The following PDE4D variants were observed in gnomAD, a reference collection of about 807,000 sequenced individuals.
The protein encoded by PDE4D is phosphodiesterase 4D.
PDE4D carries 24 observed loss-of-function variants against 87.4 expected under a neutral mutation model. The ratio of observed to expected loss-of-function variants is 0.27; its 90% confidence interval spans 0.20 to 0.39. PDE4D has a LOEUF of 0.39. Among genes scored for constraint, PDE4D ranks in the 10% least tolerant of loss-of-function variants. The probability of loss-of-function intolerance (pLI) is 1.00; values close to 1 mark genes in which losing one functional copy is unlikely to be tolerated. For synonymous variants in PDE4D, 384 were observed against 383.2 expected (o/e 1.00, Z -0.02); for missense variants, 714 against 1,041.0 (o/e 0.69, Z 4.32).
intron 5 of PDE4D, among the ~76,000 whole-genome samples, chr5:59,165,358 C>T (rs1037994981): frequency 6.6e-6 from 1 of 152,206 alleles, no homozygotes; most frequent in East Asian, 1.9e-4. Flanking sequence ...ACTGCAACCT[C>T]TGCCTCCCAG....
chr5:60,200,269 A>C (rs898698245), intron 1 of PDE4D, among the ~76,000 whole-genome samples: 3 of 151,702 alleles, frequency 2.0e-5, no homozygotes, highest in African/African-American at 7.2e-5. Flanking sequence ...AATAATCATC[A>C]CAAGATTACA....
intron 1 of PDE4D, among the ~76,000 whole-genome samples, chr5:59,563,678 G>T (rs1420155180): frequency 6.6e-6 from 1 of 152,206 alleles, no homozygotes; most frequent in Non-Finnish European, 1.5e-5. Context: ...AGCCCTAGCT[G>T]ATACAGCAAG....
At chr5:59,019,367 C>T (rs78164804) in intron 6 of PDE4D, among the ~76,000 whole-genome samples, 15,544 of 152,186 alleles carry the variant, frequency 0.1, 1,039 homozygotes, top group Non-Finnish European at 0.13. Flanking sequence ...CTAAAGTCAC[C>T]TTATTTTAGT....
chr5:59,463,115 T>C (rs139086242), intron 1 of PDE4D, among the ~76,000 whole-genome samples: 1 of 152,298 alleles, frequency 6.6e-6, no homozygotes, highest in East Asian at 1.9e-4. Context: ...TTTAGGGGTC[T>C]CTTATTAGGA....
chr5:59,295,622 T>C (rs1561901849), intron 1 of PDE4D, among the ~76,000 whole-genome samples: 2 of 152,136 alleles, frequency 1.3e-5, no homozygotes, highest in Non-Finnish European at 2.9e-5. Flanking sequence ...CCAAGGATCA[T>C]AGGAAAAAGG....
intron 6 of PDE4D, among the ~76,000 whole-genome samples, chr5:59,001,505 GA>G (rs1750526177): frequency 6.6e-6 from 1 of 152,138 alleles, no homozygotes; most frequent in Admixed American, 6.5e-5. Flanking sequence ...ACAAAAGGAA[GA>G]AATTAAAGCT....
At chr5:59,680,404 T>C (rs961609123) in intron 1 of PDE4D, among the ~76,000 whole-genome samples, 1 of 152,168 alleles carries the variant, frequency 6.6e-6, no homozygotes, top group African/African-American at 2.4e-5. Flanking sequence ...TCTTAAATGG[T>C]GCTAGAGATT....
chr5:59,123,031 G>GT (rs200344327), intron 5 of PDE4D, among the ~76,000 whole-genome samples: 2,298 of 142,866 alleles, frequency 0.016, 64 homozygotes, highest in East Asian at 0.14. Context: ...TGTTTTTTTT[G>GT]TTTTTTTTTT....
chr5:59,586,512 A>AAC (rs1825160780), intron 1 of PDE4D: 1 of 1,446,662 alleles, frequency 6.9e-7, no homozygotes, highest in African/African-American at 1.4e-5. Context: ...TCCCAAAAAA[A>AAC]AAAAAAAAAT....
At chr5:60,438,394 A>C (rs76475814) in intron 1 of PDE4D, among the ~76,000 whole-genome samples, 3,203 of 152,230 alleles carry the variant, frequency 0.021, 116 homozygotes, top group African/African-American at 0.072. Context: ...TCTGTGTGGT[A>C]CTATTACCAC....
At chr5:60,373,974 A>G (rs1761236086) in intron 1 of PDE4D, among the ~76,000 whole-genome samples, 1 of 152,036 alleles carries the variant, frequency 6.6e-6, no homozygotes, top group South Asian at 2.1e-4. Context: ...TAATCTCCCC[A>G]TCTCATATTC....
At chr5:59,247,891 C>T (rs1461571747) in intron 1 of PDE4D, among the ~76,000 whole-genome samples, 1 of 151,628 alleles carries the variant, frequency 6.6e-6, no homozygotes, top group Non-Finnish European at 1.5e-5. Flanking sequence ...TCTTCCGTCC[C>T]TGAGACTCCA....
chr5:60,254,259 G>T (rs997391819), intron 1 of PDE4D, among the ~76,000 whole-genome samples: 1 of 151,908 alleles, frequency 6.6e-6, no homozygotes, highest in African/African-American at 2.4e-5. Flanking sequence ...AGAGGCAAGA[G>T]ATTTCTTTCC....
intron 5 of PDE4D, among the ~76,000 whole-genome samples, chr5:59,133,105 TAC>T (rs1194397037): frequency 2.6e-5 from 4 of 152,144 alleles, no homozygotes; most frequent in Non-Finnish European, 4.4e-5. Flanking sequence ...AATATATATA[TAC>T]ACACACTCTT....
intron 1 of PDE4D, among the ~76,000 whole-genome samples, chr5:60,286,614 C>T (rs1254021364): frequency 5.3e-5 from 8 of 152,132 alleles, no homozygotes; most frequent in Admixed American, 5.2e-4. Flanking sequence ...GCTATTTAAG[C>T]ATGAAATGTT....
At chr5:59,908,072 T>G (rs1303426942) in intron 3 of PDE4D, among the ~76,000 whole-genome samples, 1 of 152,118 alleles carries the variant, frequency 6.6e-6, no homozygotes, top group Non-Finnish European at 1.5e-5. Context: ...CATAACGTTT[T>G]AACTCTTCAA....
chr5:60,336,769 C>G (rs1032996303), intron 1 of PDE4D, among the ~76,000 whole-genome samples: 2 of 152,192 alleles, frequency 1.3e-5, no homozygotes, highest in Admixed American at 1.3e-4. Context: ...CACACTTACC[C>G]TCAATTCTAA....
chr5:60,378,035 T>C (rs1315778587), intron 1 of PDE4D, among the ~76,000 whole-genome samples: 1 of 152,214 alleles, frequency 6.6e-6, no homozygotes. Context: ...AGAATAGAAC[T>C]ATATTGTTTT....
chr5:59,091,324 C>G lies in PDE4D; in HGVS notation c.809-52353G>C, dbSNP rs79520381. Among the ~76,000 whole-genome samples, 412 of 152,114 alleles carry G rather than the reference C, an allele frequency of 2.7e-3. 3 individuals carry two copies. In the East Asian group the frequency reaches 0.044, roughly 16 times the overall value. On this transcript the variant is annotated intron_variant, in intron 5 of 14. Coordinates refer to ENST00000340635, the MANE Select transcript of PDE4D (RefSeq NM_001104631.2). Reference sequence around the variant, plus strand: ...GTACGCTTATGTGCATCAAGATACACGCACATAAGTGTTCGAAATATCTTT... The same window carrying G: ...GTACGCTTATGTGCATCAAGATACAGGCACATAAGTGTTCGAAATATCTTT...
Sources: allele counts gnomAD v4.1 joint callset (sites outside exome capture counted in the v4.1 genomes callset), GRCh38; gene constraint gnomAD v4.1.1; transcripts MANE v1.5; gene names NCBI Gene and HGNC (gene_info 2026-07-23, HGNC 2026-07-21).